COMMD5: variants seen among roughly 807,000 people sequenced by gnomAD.
COMMD5 encodes COMM domain-containing protein 5.
Under a neutral mutation model 6.9 loss-of-function variants are expected in COMMD5, and 10 were observed. The observed-to-expected ratio is 1.44, with a 90% CI of 0.89 to 2.45. The LOEUF (loss-of-function observed/expected upper bound fraction) is 2.45, where lower values mean the gene tolerates loss of function less well. Ranked by LOEUF, COMMD5 falls within the 30% of genes most tolerant of loss-of-function variation. COMMD5 has a pLI of 0.00. For missense variants in COMMD5, 234 were observed against 287.8 expected, an observed-to-expected ratio of 0.81 and a Z score of 1.35; for synonymous variants, 127 against 125.3, an observed-to-expected ratio of 1.01 and a Z score of -0.09.
downstream of COMMD5, among the ~76,000 whole-genome samples, chr8:144,847,760 A>T (rs1830582747): frequency 6.6e-6 from 1 of 152,172 alleles, no homozygotes; most frequent in Non-Finnish European, 1.5e-5. Context: ...GCCACAGGAG[A>T]GGGAAATCAC....
intron 1 of COMMD5, chr8:144,843,222 C>A: frequency 6.7e-7 from 1 of 1,494,956 alleles, no homozygotes; most frequent in South Asian, 1.4e-5. Flanking sequence ...CCTTAACTTA[C>A]TTATTTTATA....
In COMMD5 at chr8:144,850,672, G is replaced by A; in HGVS notation, c.667C>T (p.Gln223Ter). 6.2e-7 allele frequency: 1 copy of A among 1,613,030 alleles called. No individual in the cohort carries two copies. The highest frequency in any genetic ancestry group is 8.5e-7 in the Non-Finnish European group (1 of 1,179,868). ...ACTGGTCAAGTGAGGGGTCAGTCCT[G>A]CAGTCTGCGCTCACACCTCTTCTCC... ...DLEKRCERRL[Q>*]D The change falls in exon 2 of 2, where the codon CAG (glutamine) becomes TAG (stop). Residue 223 changes from glutamine (Q) to a stop codon, truncating the protein, a stop_gained. Transcript: ENST00000305103. LOFTEE classifies it high-confidence loss of function. This position sits in a 1 kb window ranked among gnomAD's most constrained non-coding sequence, Gnocchi z 4.0.
chr8:144,841,343 T>C, exon 2 of COMMD5: 1 of 1,592,000 alleles, frequency 6.3e-7, no homozygotes. Flanking sequence ...TCTTTGTTCC[T>C]GTTTATTTCA....
chr8:144,850,885 C>T lies in COMMD5; in HGVS notation c.454G>A (p.Val152Ile), dbSNP rs559759717. 6.2e-7 allele frequency: 1 copy of T among 1,612,018 alleles called. No individual in the cohort carries two copies. The highest frequency in any genetic ancestry group is 1.7e-5 in the Admixed American group (1 of 59,758). ...AQQQGAWLPHVADFRWRVDVA... is the reference protein window; with the variant it reads ...AQQQGAWLPHIADFRWRVDVA... ...TCCACCCGCCACCGAAAGTCAGCAACATGCGGCAGCCAGGCCCCCTGCTGC... is the reference window on the plus strand; with the variant it reads ...TCCACCCGCCACCGAAAGTCAGCAATATGCGGCAGCCAGGCCCCCTGCTGC... The change falls in exon 2 of 2, where the codon GTT becomes ATT. Residue 152 changes from valine to isoleucine, a missense_variant. By Grantham distance (29) the Val-to-Ile change is conservative (BLOSUM62 3). Coordinates refer to ENST00000305103, the MANE Select transcript of COMMD5 (RefSeq NM_014066.4). This position sits in a 1 kb window ranked among gnomAD's most constrained non-coding sequence, Gnocchi z 4.0.
downstream of COMMD5, chr8:144,845,846 G>A (rs764922670): frequency 3.3e-5 from 27 of 815,152 alleles, no homozygotes; most frequent in Middle Eastern, 3.6e-4. Context: ...TTCTGTGCAC[G>A]TGGAGTATGT....
chr8:144,843,329 C>T (rs986734644), intron 1 of COMMD5: 76 of 856,550 alleles, frequency 8.9e-5, no homozygotes, highest in Admixed American at 1.6e-4. Flanking sequence ...GTGGCTTATG[C>T]CTGTCATCCC....
upstream of COMMD5, chr8:144,853,106 G>A (rs1433111437): frequency 6.6e-6 from 1 of 152,272 alleles, no homozygotes; most frequent in Non-Finnish European, 1.5e-5. Flanking sequence ...CCCCACTGTG[G>A]TCCGCTGGCC....
At chr8:144,843,810 C>T (rs999481064) in intron 1 of COMMD5, 2 of 152,142 alleles carry the variant, frequency 1.3e-5, no homozygotes, top group African/African-American at 4.8e-5. Context: ...AAACTCTTTT[C>T]CCTTAAGTAT....
downstream of COMMD5, among the ~76,000 whole-genome samples, chr8:144,848,678 C>T (rs1254065341): frequency 1.3e-5 from 2 of 152,286 alleles, no homozygotes; most frequent in East Asian, 3.9e-4. Flanking sequence ...AGGAAGTGGC[C>T]TCTAAGTCTG....
chr8:144,840,482 C>T (rs906542202), downstream of COMMD5, among the ~76,000 whole-genome samples: 15 of 152,114 alleles, frequency 9.9e-5, no homozygotes, highest in Admixed American at 3.9e-4. Context: ...GTGATTGTGT[C>T]GTGGTGGGGA....
intron 1 of COMMD5, chr8:144,842,143 C>T: frequency 6.2e-7 from 1 of 1,613,256 alleles, no homozygotes; most frequent in Non-Finnish European, 8.5e-7. Flanking sequence ...CTTCAGCCAG[C>T]AGTCGCAGCT....
intron 1 of COMMD5, chr8:144,842,992 A>G (rs780753448): frequency 2.5e-6 from 4 of 1,614,100 alleles, no homozygotes; most frequent in Non-Finnish European, 3.4e-6. Flanking sequence ...AAAGGTTAAT[A>G]CTATAAAGAA....
chr8:144,846,179 A>G, downstream of COMMD5: 1 of 1,536,032 alleles, frequency 6.5e-7, no homozygotes, highest in South Asian at 1.2e-5. Flanking sequence ...GATGGTCTGA[A>G]AATTCCAGAT....
intron 1 of COMMD5, chr8:144,841,936 C>G: frequency 3.7e-6 from 6 of 1,614,154 alleles, no homozygotes; most frequent in Non-Finnish European, 4.2e-6. Flanking sequence ...GGGAGAGAAA[C>G]CCTTTAAATG....
In COMMD5 at chr8:144,850,403, A is replaced by G. The variant is rs1830680745; in HGVS notation, c.*261T>C. 1 of 437,148 alleles carries G rather than the reference A, an allele frequency of 2.3e-6. No individual in the cohort carries two copies. The highest frequency in any genetic ancestry group is 4.1e-6 in the Non-Finnish European group (1 of 244,682). 27.1% of individuals were successfully genotyped at this position (437,148 alleles called of 1,614,324 possible). A position where few individuals can be genotyped will look rare whatever the true frequency, so the allele number is the denominator to read the frequency against. On this transcript the variant is annotated 3_prime_UTR_variant, in exon 2 of 2. Transcript: ENST00000305103. The surrounding 1 kb of genome is among the most constrained non-coding windows in gnomAD (Gnocchi z 4.0). Reference sequence around the variant, plus strand: ...CATGGCCACGTCCAGCACCAAAGACAAATGTACAGGGAAGGGGAGGGTGTG... The same window carrying G: ...CATGGCCACGTCCAGCACCAAAGACGAATGTACAGGGAAGGGGAGGGTGTG...
chr8:144,850,793 A>G lies in COMMD5; in HGVS notation c.546T>C (p.Leu182=). 1 of 1,614,088 alleles carries G rather than the reference A, an allele frequency of 6.2e-7. No homozygotes were observed. The highest frequency in any genetic ancestry group is 1.1e-5 in the South Asian group (1 of 91,082). ...CAAAGCGGTATGCTGACCCATCTGAAAGCTTCAGCTGCATCAGGACGCTCG... is the reference window on the plus strand; with the variant it reads ...CAAAGCGGTATGCTGACCCATCTGAGAGCTTCAGCTGCATCAGGACGCTCG... ...LQPSVLMQLK[L]SDGSAYRFEV... Residue 182 remains leucine (L), a synonymous_variant, in exon 2 of 2, where the codon CTT becomes CTC. Coordinates refer to ENST00000305103, the MANE Select transcript of COMMD5 (RefSeq NM_014066.4). The surrounding 1 kb of genome is among the most constrained non-coding windows in gnomAD (Gnocchi z 4.0).
In COMMD5 at chr8:144,850,216, T is replaced by A. The variant is rs913765350; in HGVS notation, c.*448A>T. The A allele has an allele frequency of 1.3e-5, 2 of 158,592 alleles. No homozygotes were observed. Among genetic ancestry groups the A allele is most frequent in the Non-Finnish European group, 2.8e-5 (2 of 72,184 alleles). The allele number at this position is 158,592 out of a possible 1,614,324, so 9.8% of individuals were successfully genotyped here. ...ATGATTTATTTTACAATGTTTCCCC[T>A]CCCCTCAGCCGCACTAGAATGTCAG... is the stretch of plus-strand genomic sequence containing the variant. On this transcript the variant is annotated 3_prime_UTR_variant, in exon 2 of 2. Transcript: ENST00000305103. The surrounding 1 kb of genome is among the most constrained non-coding windows in gnomAD (Gnocchi z 4.0).
chr8:144,846,403 C>T (rs973338680), downstream of COMMD5: 2 of 524,230 alleles, frequency 3.8e-6, no homozygotes, highest in Admixed American at 3.2e-5. Flanking sequence ...ATGTTAAAAT[C>T]GAATTTGACT....
At chr8:144,840,177 C>G (rs1384137512), downstream of COMMD5, among the ~76,000 whole-genome samples, 1 of 152,226 alleles carries the variant, frequency 6.6e-6, no homozygotes, top group Non-Finnish European at 1.5e-5. Context: ...AGCAGGCATG[C>G]TGAGGTGGTG....
Sources: allele counts gnomAD v4.1 joint callset (sites outside exome capture counted in the v4.1 genomes callset), GRCh38; gene constraint gnomAD v4.1.1; non-coding constraint Gnocchi (gnomAD v3.1); transcripts MANE v1.5; gene names NCBI Gene and HGNC (gene_info 2026-07-23, HGNC 2026-07-21).